DOCK10: variants seen among roughly 807,000 people sequenced by gnomAD.
DOCK10 encodes the protein dedicator of cytokinesis 10.
A neutral mutation model predicts 280.1 loss-of-function variants in DOCK10; 145 were observed. That is an observed-to-expected ratio of 0.52 (90% CI 0.45 to 0.59). DOCK10 has a LOEUF of 0.59. Among genes scored for constraint, DOCK10 ranks in the 20% least tolerant of loss-of-function variants. DOCK10 has a pLI of 0.00. For synonymous variants in DOCK10, 915 were observed against 942.2 expected, an observed-to-expected ratio of 0.97 and a Z score of 0.53; for missense variants, 2,368 against 2,651.7, an observed-to-expected ratio of 0.89 and a Z score of 2.35.
chr2:225,029,112 A>G (rs1690003871), intron 1 of DOCK10, among the ~76,000 whole-genome samples: 1 of 152,156 alleles, frequency 6.6e-6, no homozygotes, highest in African/African-American at 2.4e-5. Flanking sequence ...TTGCTCTGTG[A>G]CCCTGACCAC....
chr2:224,930,364 C>T (rs956808482), intron 2 of DOCK10, among the ~76,000 whole-genome samples: 17 of 152,098 alleles, frequency 1.1e-4, no homozygotes, highest in East Asian at 1.9e-4. Flanking sequence ...AGTCCAACCA[C>T]GGAAATGAGA....
At chr2:224,777,955 C>T (rs1249220106) in intron 51 of DOCK10, among the ~76,000 whole-genome samples, 183 bp downstream of exon 51, 1 of 152,168 alleles carries the variant, frequency 6.6e-6, no homozygotes, top group African/African-American at 2.4e-5. Context: ...CAAATAAACA[C>T]ATATAATGTT....
At chr2:224,930,912 A>G (rs1200491928) in intron 2 of DOCK10, among the ~76,000 whole-genome samples, 1 of 152,224 alleles carries the variant, frequency 6.6e-6, no homozygotes, top group African/African-American at 2.4e-5. Flanking sequence ...TGTTTGGAAC[A>G]TGTGGGTGCT....
At chr2:224,891,351 A>G (rs1437053569) in intron 4 of DOCK10, among the ~76,000 whole-genome samples, 1 of 152,218 alleles carries the variant, frequency 6.6e-6, no homozygotes, top group Non-Finnish European at 1.5e-5. Flanking sequence ...AAAATTGTAC[A>G]ACAGATACAT....
At chr2:225,013,271 A>G (rs544701973) in intron 1 of DOCK10, among the ~76,000 whole-genome samples, 1 of 152,258 alleles carries the variant, frequency 6.6e-6, no homozygotes, top group East Asian at 1.9e-4. Context: ...ACCCTATAGG[A>G]AAGTAATCAC....
In DOCK10 at chr2:224,799,703, T is replaced by A. The variant is rs558856159; in HGVS notation, c.4506+448A>T. ...TTTGGATGGTCAGTCTTTTTAACTT[T>A]AGCCATTCTAAGTAGTGATAATCAT... On this transcript the variant is annotated intron_variant, in intron 41 of 55. Transcript: ENST00000258390. 3.3e-5 allele frequency among the ~76,000 whole-genome samples: 5 copies of A among 152,344 alleles called. No homozygotes were observed. In the East Asian group the frequency reaches 5.8e-4, roughly 18 times the overall value.
chr2:224,823,624 A>C lies in DOCK10; in HGVS notation c.3060T>G (p.Pro1020=). The C allele has an allele frequency of 1.2e-6, 2 of 1,601,664 alleles. No individual in the cohort carries two copies. The highest frequency in any genetic ancestry group is 1.7e-6 in the Non-Finnish European group (2 of 1,176,038). ...TGTCCAATTCATTTTGGTAAGATTC[A>C]GGAAATCTCTGAGGCCGGGGAAGCT... ...KIQLPRPQRF[P]ESYQNELDNL... is the part of the protein sequence containing the mutation. The change falls in exon 28 of 56, where the codon CCT becomes CCG. Residue 1020 remains proline, a synonymous_variant. Transcript: ENST00000258390.
chr2:224,942,148 T>G (rs1703127706), intron 1 of DOCK10, among the ~76,000 whole-genome samples: 1 of 152,244 alleles, frequency 6.6e-6, no homozygotes, highest in Non-Finnish European at 1.5e-5. Context: ...CGCAGTCAGC[T>G]GCTAGGGAAA....
chr2:224,981,845 C>A (rs1418670693), intron 1 of DOCK10, among the ~76,000 whole-genome samples: 2 of 152,114 alleles, frequency 1.3e-5, no homozygotes, highest in Non-Finnish European at 2.9e-5. Context: ...TAAAAAACGC[C>A]CATTTTGGGC....
chr2:224,926,506 T>C (rs1035561066), intron 2 of DOCK10, among the ~76,000 whole-genome samples: 9 of 152,260 alleles, frequency 5.9e-5, no homozygotes, highest in Admixed American at 5.2e-4. Context: ...CACTCCAGCC[T>C]GGATAACAGA....
At chr2:224,917,099 A>ATTTTTTTTTT (rs1559754057) in intron 2 of DOCK10, among the ~76,000 whole-genome samples, 33 of 60,220 alleles carry the variant, frequency 5.5e-4, no homozygotes, top group Admixed American at 1.3e-3. Context: ...TTCTATTGGA[A>ATTTTTTTTTT]TCTTTTTTTT....
chr2:224,859,834 A>G (rs867787515), intron 14 of DOCK10, among the ~76,000 whole-genome samples: 1 of 152,232 alleles, frequency 6.6e-6, no homozygotes, highest in African/African-American at 2.4e-5. Context: ...GACATGGGCA[A>G]CAACCGGCCT....
chr2:224,774,195 A>C (rs965201521), intron 52 of DOCK10, among the ~76,000 whole-genome samples: 1 of 152,086 alleles, frequency 6.6e-6, no homozygotes, highest in African/African-American at 2.4e-5. Flanking sequence ...GTTACTGATC[A>C]TTTCCTCCAG....
At chr2:224,810,298 A>G (rs1220492484) in intron 31 of DOCK10, among the ~76,000 whole-genome samples, 1 of 152,180 alleles carries the variant, frequency 6.6e-6, no homozygotes, top group Non-Finnish European at 1.5e-5. Context: ...TTAACCTCAT[A>G]GAAGCACAGA....
intron 1 of DOCK10, among the ~76,000 whole-genome samples, chr2:224,941,712 C>T (rs1442721098): frequency 2.6e-5 from 4 of 151,954 alleles, no homozygotes; most frequent in Non-Finnish European, 5.9e-5. Context: ...GGCGTGGTGG[C>T]ATGCGCCTGC....
intron 1 of DOCK10, among the ~76,000 whole-genome samples, chr2:225,004,381 G>T (rs1706516814): frequency 6.6e-6 from 1 of 152,246 alleles, no homozygotes; most frequent in African/African-American, 2.4e-5. Flanking sequence ...AACTGGAGGA[G>T]GCAAGGCAGG....
In DOCK10 at chr2:225,014,081, A is replaced by ATATATTTT. The variant is rs776104946; in HGVS notation, c.123+28170_123+28171insAAAATATA. On this transcript the variant is annotated intron_variant, in intron 1 of 55. Coordinates refer to ENST00000258390, the MANE Select transcript of DOCK10 (RefSeq NM_014689.3). ...AAAAAATCCCCAGAAGTCTGAATAT[A>ATATATTTT]TTGTTTTTTTTTTTTTGTTTTTTTT... Among the ~76,000 whole-genome samples, 567 of 96,702 alleles carry ATATATTTT rather than the reference A, an allele frequency of 5.9e-3. 22 individuals carry two copies. Among genetic ancestry groups the ATATATTTT allele is most frequent in the South Asian group, 0.012 (35 of 2,810 alleles). 63.4% of individuals were successfully genotyped at this position (96,702 alleles called of 152,430 possible).
intron 7 of DOCK10, among the ~76,000 whole-genome samples, chr2:224,885,134 G>A (rs945796832): frequency 1.3e-5 from 2 of 152,128 alleles, no homozygotes; most frequent in African/African-American, 4.8e-5. Context: ...CCAGTAGCTG[G>A]GATTACAGGC....
In DOCK10 at chr2:224,862,502, T is replaced by C. The variant is rs757646821; in HGVS notation, c.1685+162A>G. The C allele has an allele frequency of 1.2e-5, 7 of 605,190 alleles. No individual in the cohort carries two copies. In the South Asian group the frequency reaches 1.2e-4, roughly 11 times the overall value. 37.5% of individuals were successfully genotyped at this position (605,190 alleles called of 1,614,324 possible). ...TTGCTAAACTGTCTTGTGAAATGTA[T>C]GTCTCAGAGAAGCTCAAGATGTTTA... On this transcript the variant is annotated intron_variant, in intron 14 of 55. Transcript: ENST00000258390.
Sources: allele counts gnomAD v4.1 joint callset (sites outside exome capture counted in the v4.1 genomes callset), GRCh38; gene constraint gnomAD v4.1.1; transcripts MANE v1.5; gene names NCBI Gene and HGNC (gene_info 2026-07-23, HGNC 2026-07-21).